CENPE: variants seen among roughly 807,000 people sequenced by gnomAD.
CENPE encodes the protein centromere-associated protein E.
In CENPE, 145 loss-of-function variants were observed where a neutral mutation model predicts 336.1. The ratio of observed to expected loss-of-function variants is 0.43; its 90% CI spans 0.38 to 0.50. CENPE has a LOEUF of 0.50. Among genes scored for constraint, CENPE ranks in the 20% least tolerant of loss-of-function variants. CENPE has a pLI of 0.00. For synonymous variants in CENPE, 1,013 were observed against 984.8 expected, an observed-to-expected ratio of 1.03 and a Z score of -0.54; for missense variants, 2,719 against 3,023.3, an observed-to-expected ratio of 0.90 and a Z score of 2.36.
In CENPE at chr4:103,158,181, T is replaced by C. The variant is rs1754118126; in HGVS notation, c.3033+119A>G. The C allele has an allele frequency of 4.5e-6, 3 of 662,330 alleles. No individual in the cohort carries two copies. In the South Asian group the frequency reaches 1.1e-4, roughly 24 times the overall value. 41.0% of individuals were successfully genotyped at this position (662,330 alleles called of 1,614,324 possible). Reference sequence around the variant, plus strand: ...CATTAGGGATAAGCTTGTAAAATTATTGTTAGTTATTACCATTGTGAGTAA... The same window carrying C: ...CATTAGGGATAAGCTTGTAAAATTACTGTTAGTTATTACCATTGTGAGTAA... On this transcript the variant is annotated intron_variant, in intron 24 of 48. Coordinates refer to ENST00000265148, the MANE Select transcript of CENPE (RefSeq NM_001813.3).
At chr4:103,107,537 C>A (rs1749001307) in intron 48 of CENPE, among the ~76,000 whole-genome samples, 1 of 152,214 alleles carries the variant, frequency 6.6e-6, no homozygotes, top group African/African-American at 2.4e-5. Context: ...GGCAGACACA[C>A]TGTCACAAAG....
At position 103,158,782 on chromosome 4, in the gene CENPE, C is replaced by T. The variant is rs141000785; in HGVS notation, c.2706G>A (p.Thr902=). 1.2e-4 allele frequency: 186 copies of T among 1,613,044 alleles called. No individual in the cohort carries two copies. The highest frequency in any genetic ancestry group is 1.4e-4 in the Non-Finnish European group (171 of 1,179,374). Residue 902 remains threonine, a synonymous_variant, in exon 23 of 49, where the codon ACG becomes ACA. Coordinates refer to ENST00000265148, the MANE Select transcript of CENPE (RefSeq NM_001813.3). ...LKEQLENRDS[T]LQTVEREKTL... is the part of the protein sequence containing the mutation. ...TTTTCTCCCTTTCTACAGTTTGCAG[C>T]GTAGAATCTCTATTTTCTAATTGTT...
chr4:103,170,285 A>AAAC (rs561063402), intron 16 of CENPE, among the ~76,000 whole-genome samples: 280 of 152,148 alleles, frequency 1.8e-3, no homozygotes, highest in African/African-American at 6.2e-3. Flanking sequence ...AAGTATAATT[A>AAAC]AACAACAACA....
At chr4:103,160,903 G>T in intron 20 of CENPE, 124 bp from the exon 21 acceptor site, 1 of 986,544 alleles carries the variant, frequency 1.0e-6, no homozygotes, top group South Asian at 1.9e-5. Context: ...AATCCCTTAT[G>T]ATTTGAAACC....
At chr4:103,129,389 C>T (rs1279317019) in intron 42 of CENPE, among the ~76,000 whole-genome samples, 1 of 152,090 alleles carries the variant, frequency 6.6e-6, no homozygotes, top group East Asian at 1.9e-4. Context: ...TATTCTAATA[C>T]TAAAACCAGA....
chr4:103,162,836 G>A (rs190360481), intron 18 of CENPE, among the ~76,000 whole-genome samples: 1 of 152,180 alleles, frequency 6.6e-6, no homozygotes, highest in African/African-American at 2.4e-5. Flanking sequence ...GGCATCACAG[G>A]GATGAGCCAC....
chr4:103,183,076 A>T, intron 10 of CENPE, 125 bp downstream of exon 10: 1 of 883,232 alleles, frequency 1.1e-6, no homozygotes, highest in Non-Finnish European at 1.7e-6. Flanking sequence ...GATTATAATC[A>T]TATGTATAAG....
At position 103,144,409 on chromosome 4, in the gene CENPE, ATC is replaced by A; in HGVS notation, c.5065_5066del (p.Asp1689Ter). 1 of 1,613,974 alleles carries A rather than the reference ATC, an allele frequency of 6.2e-7. No homozygotes were observed. Reference sequence around the variant, plus strand: ...GAGTCTCCTCCACACTCCTAAGGTCATCTCTTTCTTTTGTTACAGATCTCATT... The same window carrying A: ...GAGTCTCCTCCACACTCCTAAGGTCATCTTTCTTTTGTTACAGATCTCATT... ...EEMRSVTKER[D>X]DLRSVEETLK... On this transcript the variant is annotated frameshift_variant, in exon 33 of 49. Coordinates refer to ENST00000265148, the MANE Select transcript of CENPE (RefSeq NM_001813.3). LOFTEE classifies it high-confidence loss of function.
At position 103,169,946 on chromosome 4, in the gene CENPE, C is replaced by T. The variant is rs975582982; in HGVS notation, c.1647+4790G>A. Among the ~76,000 whole-genome samples, 113 of 152,184 alleles carry T rather than the reference C, an allele frequency of 7.4e-4. 1 individual carries two copies. Among genetic ancestry groups the T allele is most frequent in the Admixed American group, 4.7e-3 (72 of 15,284 alleles). ...GGCACATATACACCATGGAATACTA[C>T]GCAGCCATAAAAAAGGATGAGTTCA... On this transcript the variant is annotated intron_variant, in intron 16 of 48. Transcript: ENST00000265148.
At chr4:103,106,428 T>C in intron 48 of CENPE, 112 bp from the exon 49 acceptor site, 1 of 669,350 alleles carries the variant, frequency 1.5e-6, no homozygotes, top group Non-Finnish European at 2.4e-6. Context: ...GAATGAAAAA[T>C]GGCAACGTGA....
chr4:103,159,051 C>T lies in CENPE; in HGVS notation c.2560G>A (p.Ala854Thr), dbSNP rs1161893481. The T allele has an allele frequency of 4.6e-6, 7 of 1,536,522 alleles. No individual in the cohort carries two copies. The East Asian group carries it at 1.1e-4, about 25-fold the overall frequency. Residue 854 changes from alanine to threonine, a missense_variant, in exon 22 of 49, where the codon GCC (alanine) becomes ACC (threonine). Ala to Thr is a moderately conservative substitution (Grantham distance 58, BLOSUM62 0). Transcript: ENST00000265148. Reference sequence around the variant, plus strand: ...CCCAAACTCGAATCAAATTTTTGGGCTTCTTTAGAGAGATTAACTATTTCC... The same window carrying T: ...CCCAAACTCGAATCAAATTTTTGGGTTTCTTTAGAGAGATTAACTATTTCC... ...NQEIVNLSKE[A>T]QKFDSSLGAL...
intron 1 of CENPE, among the ~76,000 whole-genome samples, chr4:103,197,692 A>G (rs1311408431): frequency 6.6e-6 from 1 of 152,192 alleles, no homozygotes; most frequent in Non-Finnish European, 1.5e-5. Flanking sequence ...TATTACCTAC[A>G]TATCACCACT....
chr4:103,162,875 T>C (rs1227227820), intron 18 of CENPE, among the ~76,000 whole-genome samples: 1 of 152,162 alleles, frequency 6.6e-6, no homozygotes, highest in Non-Finnish European at 1.5e-5. Context: ...TTACTGATTT[T>C]TAATGGGAGC....
chr4:103,109,142 T>C (rs1031442756), intron 47 of CENPE, 53 bp from the exon 48 acceptor site: 4 of 1,352,708 alleles, frequency 3.0e-6, no homozygotes, highest in Non-Finnish European at 4.0e-6. Flanking sequence ...ATTCTTAAGA[T>C]GTATTCACAT....
At chr4:103,160,579 G>C in intron 21 of CENPE, 46 bp downstream of exon 21, 2 of 1,516,048 alleles carry the variant, frequency 1.3e-6, no homozygotes, top group Non-Finnish European at 1.8e-6. Flanking sequence ...TTATCGCAAA[G>C]GTTTTTATTT....
At chr4:103,182,638 A>G (rs1756417955) in intron 11 of CENPE, 124 bp downstream of exon 11, 1 of 696,324 alleles carries the variant, frequency 1.4e-6, no homozygotes, top group Non-Finnish European at 2.2e-6. Flanking sequence ...GCTATTTAGT[A>G]GACAACATAT....
chr4:103,195,081 CA>C, intron 5 of CENPE, 32 bp downstream of exon 5: 1 of 1,536,944 alleles, frequency 6.5e-7, no homozygotes, highest in Non-Finnish European at 8.7e-7. Flanking sequence ...ATAAGTCAGT[CA>C]ATTTTAAAGC....
At chr4:103,121,452 T>G (rs1003715315) in intron 43 of CENPE, among the ~76,000 whole-genome samples, 1 of 152,166 alleles carries the variant, frequency 6.6e-6, no homozygotes, top group African/African-American at 2.4e-5. Flanking sequence ...TTCATTTTTG[T>G]TTAATGAATG....
intron 14 of CENPE, among the ~76,000 whole-genome samples, chr4:103,176,335 G>A (rs1272029780): frequency 6.6e-6 from 1 of 152,084 alleles, no homozygotes; most frequent in East Asian, 1.9e-4. Flanking sequence ...ATTATAAGTA[G>A]ATTTAAAATT....
Sources: allele counts gnomAD v4.1 joint callset (sites outside exome capture counted in the v4.1 genomes callset), GRCh38; gene constraint gnomAD v4.1.1; transcripts MANE v1.5; gene names NCBI Gene and HGNC (gene_info 2026-07-23, HGNC 2026-07-21).